The following PILRA variants were observed in gnomAD, a reference collection of about 807,000 sequenced individuals.
PILRA encodes the protein paired immunoglobulin-like type 2 receptor alpha.
In PILRA, 37 loss-of-function variants were observed where a neutral mutation model predicts 33.1. The observed-to-expected ratio is 1.12, with a 90% CI of 0.86 to 1.47. The LOEUF is 1.47. Ranked by LOEUF, PILRA falls within the 40% of genes most tolerant of loss-of-function variation. The pLI is 0.00. For missense variants in PILRA, 312 were observed against 376.2 expected, an observed-to-expected ratio of 0.83 and a Z score of 1.41; for synonymous variants, 146 against 149.9, an observed-to-expected ratio of 0.97 and a Z score of 0.19.
chr7:100,390,229 C>A, intron 3 of PILRA, 123 bp downstream of exon 3: 1 of 820,158 alleles, frequency 1.2e-6, no homozygotes, highest in Non-Finnish European at 2.0e-6. Flanking sequence ...CCCACCGAGG[C>A]CGACTTCGTG....
intron 3 of PILRA, among the ~76,000 whole-genome samples, chr7:100,397,323 G>C (rs562769951): frequency 6.6e-6 from 1 of 151,964 alleles, no homozygotes; most frequent in Non-Finnish European, 1.5e-5. Context: ...GGATGGGAGG[G>C]GCAGGACACA....
In PILRA at chr7:100,373,575, C is replaced by G. The variant is rs999779144; in HGVS notation, c.-82C>G. On this transcript the variant is annotated 5_prime_UTR_variant, in exon 1 of 7. Transcript: ENST00000198536. ...CCCGGCTCTCCTCACTCACCTCAAC[C>G]CCCAGGCGGCCCCTCCACAGGGCCC... 4 of 1,524,802 alleles carry G rather than the reference C, an allele frequency of 2.6e-6. No homozygotes were observed. The African/African-American group carries it at 4.1e-5, about 16-fold the overall frequency. The allele number at this position is 1,524,802 out of a possible 1,614,324, so 94.5% of individuals were successfully genotyped here. A position where few individuals can be genotyped will look rare whatever the true frequency, so the allele number is the denominator to read the frequency against.
chr7:100,389,792 T>A, intron 2 of PILRA, 96 bp from the exon 3 acceptor site: 1 of 1,006,910 alleles, frequency 9.9e-7, no homozygotes, highest in Non-Finnish European at 1.6e-6. Flanking sequence ...CCCTCACCAC[T>A]AATGTCCCCC....
intron 3 of PILRA, among the ~76,000 whole-genome samples, chr7:100,390,413 C>G (rs1214076480): frequency 6.6e-6 from 1 of 152,132 alleles, no homozygotes; most frequent in Non-Finnish European, 1.5e-5. Flanking sequence ...AGGGTCTGCC[C>G]TGGGAAAAGG....
intron 2 of PILRA, among the ~76,000 whole-genome samples, chr7:100,384,101 C>G (rs549198999): frequency 6.6e-6 from 1 of 152,124 alleles, no homozygotes; most frequent in East Asian, 1.9e-4. Context: ...ATTTTGAAGA[C>G]AGGGCAGACA....
At position 100,374,403 on chromosome 7, in the gene PILRA, A is replaced by G. The variant is rs1176788065; in HGVS notation, c.424A>G (p.Ile142Val). ...CTCAGGGAGGCAGCAGTGGCAGTCCATCGAGGGGACCAAACTCTCCATCAC... is the reference window on the plus strand; with the variant it reads ...CTCAGGGAGGCAGCAGTGGCAGTCCGTCGAGGGGACCAAACTCTCCATCAC... The part of the protein sequence containing the change: ...RSSGRQQWQS[I>V]EGTKLSITQA... Residue 142 changes from isoleucine to valine, a missense_variant, in exon 2 of 7, where the codon ATC becomes GTC. Physicochemically the swap from Ile to Val is conservative, Grantham distance 29. Coordinates refer to ENST00000198536, the MANE Select transcript of PILRA (RefSeq NM_013439.3). 1 of 1,613,942 alleles carries G rather than the reference A, an allele frequency of 6.2e-7. No individual in the cohort carries two copies. Among genetic ancestry groups the G allele is most frequent in the African/African-American group, 1.3e-5 (1 of 74,884 alleles).
chr7:100,382,511 A>G lies in PILRA; in HGVS notation c.455-7377A>G, dbSNP rs568739281. Reference sequence around the variant, plus strand: ...GGGGACTTGGAGAACTTTTGTGTCTAGCTCAGGGATTGTAAATGCAACAAT... The same window carrying G: ...GGGGACTTGGAGAACTTTTGTGTCTGGCTCAGGGATTGTAAATGCAACAAT... On this transcript the variant is annotated intron_variant, in intron 2 of 6. Coordinates refer to ENST00000198536, the MANE Select transcript of PILRA (RefSeq NM_013439.3). Among the ~76,000 whole-genome samples the G allele has an allele frequency of 1.9e-3, 282 of 152,308 alleles. 2 individuals carry two copies. The highest frequency in any genetic ancestry group is 6.4e-3 in the African/African-American group (266 of 41,572).
In PILRA at chr7:100,376,586, G is replaced by A. The variant is rs554874143; in HGVS notation, c.454+2153G>A. ...CAGCCTCCACCTCCCAGGTTCAAGC[G>A]ATTCTCCCGCTCAGCCTCCAAGTAG... On this transcript the variant is annotated intron_variant, in intron 2 of 6. Coordinates refer to ENST00000198536, the MANE Select transcript of PILRA (RefSeq NM_013439.3). Among the ~76,000 whole-genome samples, 112 of 141,296 alleles carry A rather than the reference G, an allele frequency of 7.9e-4. 1 individual carries two copies. Among genetic ancestry groups the A allele is most frequent in the African/African-American group, 2.9e-3 (110 of 37,446 alleles). The allele number at this position is 141,296 out of a possible 152,430, so 92.7% of individuals were successfully genotyped here.
At chr7:100,383,623 ACTCACACTTT>A (rs1356869228) in intron 2 of PILRA, among the ~76,000 whole-genome samples, 1 of 148,256 alleles carries the variant, frequency 6.7e-6, no homozygotes, top group Non-Finnish European at 1.5e-5. Flanking sequence ...CTGAGATCTG[ACTCACACTTT>A]TTTTTTTTTT....
chr7:100,398,014 G>A (rs1791535825), intron 4 of PILRA, 102 bp downstream of exon 4: 2 of 1,132,164 alleles, frequency 1.8e-6, no homozygotes. Flanking sequence ...CACAAACCCA[G>A]CCTGCCACGG....
chr7:100,381,122 C>T (rs1040790616), intron 2 of PILRA, among the ~76,000 whole-genome samples: 12 of 151,820 alleles, frequency 7.9e-5, no homozygotes, highest in African/African-American at 2.7e-4. Context: ...AAAAATTAGC[C>T]GGGTGTGGTG....
intron 4 of PILRA, among the ~76,000 whole-genome samples, chr7:100,398,464 T>G (rs1313708819): frequency 6.6e-6 from 1 of 152,068 alleles, no homozygotes; most frequent in Non-Finnish European, 1.5e-5. Flanking sequence ...CCACCTCTCT[T>G]TCCTTTCCTC....
In PILRA at chr7:100,373,557, C is replaced by G; in HGVS notation, c.-100C>G. 7.3e-7 allele frequency: 1 copy of G among 1,372,650 alleles called. No individual in the cohort carries two copies. Among genetic ancestry groups the G allele is most frequent in the Non-Finnish European group, 1.0e-6 (1 of 968,916 alleles). 85.0% of individuals were successfully genotyped at this position (1,372,650 alleles called of 1,614,324 possible). On this transcript the variant is annotated 5_prime_UTR_variant, in exon 1 of 7. Coordinates refer to ENST00000198536, the MANE Select transcript of PILRA (RefSeq NM_013439.3). Reference sequence around the variant, plus strand: ...CCCTCTTCGGAGCCTGAGCCCGGCTCTCCTCACTCACCTCAACCCCCAGGC... The same window carrying G: ...CCCTCTTCGGAGCCTGAGCCCGGCTGTCCTCACTCACCTCAACCCCCAGGC...
At chr7:100,387,086 G>A (rs988372015) in intron 2 of PILRA, among the ~76,000 whole-genome samples, 3 of 152,192 alleles carry the variant, frequency 2.0e-5, no homozygotes, top group African/African-American at 4.8e-5. Context: ...ACTCATTTAC[G>A]CCAGAGGCTG....
intron 2 of PILRA, among the ~76,000 whole-genome samples, chr7:100,388,661 A>G (rs1791309992): frequency 6.8e-6 from 1 of 148,044 alleles, no homozygotes; most frequent in African/African-American, 2.5e-5. Flanking sequence ...TAGGAGAATC[A>G]CTTGAACTTG....
chr7:100,377,501 A>G (rs1317249146), intron 2 of PILRA, among the ~76,000 whole-genome samples: 1 of 152,032 alleles, frequency 6.6e-6, no homozygotes, highest in Non-Finnish European at 1.5e-5. Flanking sequence ...TCGGCCTCCC[A>G]AAGTGCTGGG....
intron 2 of PILRA, among the ~76,000 whole-genome samples, chr7:100,379,549 T>C (rs935481902): frequency 1.3e-5 from 2 of 150,970 alleles, no homozygotes; most frequent in African/African-American, 4.9e-5. Flanking sequence ...GCGCCTGTAG[T>C]CCCAGCTACT....
intron 2 of PILRA, among the ~76,000 whole-genome samples, chr7:100,382,575 A>AC (rs1362832300): frequency 1.3e-5 from 2 of 151,688 alleles, no homozygotes; most frequent in Non-Finnish European, 2.9e-5. Flanking sequence ...CTCTCTGTAA[A>AC]ACAGACCAAT....
chr7:100,389,171 A>G (rs535256398), intron 2 of PILRA, among the ~76,000 whole-genome samples: 1 of 152,182 alleles, frequency 6.6e-6, no homozygotes, highest in Non-Finnish European at 1.5e-5. Context: ...AATCCCAAAG[A>G]CTCTTTCAAT....
Sources: allele counts gnomAD v4.1 joint callset (sites outside exome capture counted in the v4.1 genomes callset), GRCh38; gene constraint gnomAD v4.1.1; transcripts MANE v1.5; gene names NCBI Gene and HGNC (gene_info 2026-07-23, HGNC 2026-07-21).